Variants in IQCM observed in about 807,000 individuals in gnomAD.
IQCM encodes IQ motif containing M.
IQCM carries 45 observed loss-of-function variants against 57.6 expected under a neutral mutation model. The observed-to-expected ratio is 0.78, with a 90% CI of 0.62 to 1.00. The LOEUF is 1.00. Ranked by LOEUF, IQCM falls within the 50% of genes least tolerant of loss-of-function variation. The pLI is 0.00. For missense variants in IQCM, 468 were observed against 511.6 expected (o/e 0.91, Z 0.82); for synonymous variants, 148 against 158.9 (o/e 0.93, Z 0.51).
chr4:149,675,118 A>G (rs1368339788), intron 7 of IQCM, among the ~76,000 whole-genome samples: 1 of 152,066 alleles, frequency 6.6e-6, no homozygotes, highest in African/African-American at 2.4e-5. Flanking sequence ...GGAGTAGAAA[A>G]GTGAATGGAT....
intron 13 of IQCM, among the ~76,000 whole-genome samples, chr4:149,364,753 G>A (rs1399631107): frequency 6.6e-6 from 1 of 152,050 alleles, no homozygotes; most frequent in East Asian, 1.9e-4. Context: ...AATAAAAGAA[G>A]TCAGTCTGAT....
chr4:149,424,378 T>C (rs1174321299), intron 13 of IQCM, among the ~76,000 whole-genome samples: 1 of 151,408 alleles, frequency 6.6e-6, no homozygotes, highest in African/African-American at 2.4e-5. Context: ...AATATAAAAA[T>C]AAATAAAGCT....
chr4:149,712,059 TG>T (rs1239140835), intron 5 of IQCM, among the ~76,000 whole-genome samples: 3 of 152,184 alleles, frequency 2.0e-5, no homozygotes, highest in African/African-American at 7.2e-5. Flanking sequence ...CTTGTTCCCC[TG>T]GTTCTTAGGC....
intron 12 of IQCM, among the ~76,000 whole-genome samples, chr4:149,487,776 A>G (rs1229776602): frequency 1.3e-5 from 2 of 152,102 alleles, no homozygotes; most frequent in African/African-American, 4.8e-5. Context: ...AATGCACAGG[A>G]TTATCTCTTC....
At chr4:149,526,522 G>T (rs1746178965) in intron 12 of IQCM, among the ~76,000 whole-genome samples, 1 of 151,886 alleles carries the variant, frequency 6.6e-6, no homozygotes, top group South Asian at 2.1e-4. Flanking sequence ...TGTAAAAAAT[G>T]GCTCCTCAAA....
At chr4:149,520,454 A>G (rs1745514457) in intron 12 of IQCM, among the ~76,000 whole-genome samples, 1 of 152,146 alleles carries the variant, frequency 6.6e-6, no homozygotes, top group Non-Finnish European at 1.5e-5. Flanking sequence ...GTGATGATGA[A>G]TTACATCATT....
At chr4:149,481,708 T>TTTTTTTTTTTTTG (rs1740878368) in intron 12 of IQCM, among the ~76,000 whole-genome samples, 2 of 134,710 alleles carry the variant, frequency 1.5e-5, no homozygotes, top group African/African-American at 5.4e-5. Flanking sequence ...TTTGTTTTTT[T>TTTTTTTTTTTTTG]TTTTTTTTTT....
At chr4:149,648,414 A>T (rs1292910074) in intron 7 of IQCM, among the ~76,000 whole-genome samples, 3 of 152,164 alleles carry the variant, frequency 2.0e-5, no homozygotes, top group Non-Finnish European at 4.4e-5. Flanking sequence ...CATGGTGTAT[A>T]TGTGCCACAT....
chr4:149,697,810 T>A (rs1481534651), intron 5 of IQCM, among the ~76,000 whole-genome samples: 6 of 152,092 alleles, frequency 3.9e-5, no homozygotes, highest in Non-Finnish European at 8.8e-5. Flanking sequence ...CACAACTATA[T>A]CATCAATGTC....
At chr4:149,806,689 G>C (rs2150059435) in intron 2 of IQCM, among the ~76,000 whole-genome samples, 1 of 152,016 alleles carries the variant, frequency 6.6e-6, no homozygotes, top group Admixed American at 6.6e-5. Flanking sequence ...AAAGTCATCA[G>C]TAAATAAAGG....
intron 12 of IQCM, among the ~76,000 whole-genome samples, chr4:149,522,858 A>C (rs2149834542): frequency 6.6e-6 from 1 of 152,302 alleles, no homozygotes; most frequent in East Asian, 1.9e-4. Context: ...AAAATACACA[A>C]AATAGGTATA....
intron 7 of IQCM, among the ~76,000 whole-genome samples, chr4:149,647,965 T>C (rs1486382587): frequency 1.3e-5 from 2 of 152,200 alleles, no homozygotes; most frequent in Non-Finnish European, 2.9e-5. Context: ...TGTTGCATTC[T>C]GGATAATTCA....
At chr4:149,506,167 G>A (rs72955458) in intron 12 of IQCM, among the ~76,000 whole-genome samples, 3 of 152,290 alleles carry the variant, frequency 2.0e-5, no homozygotes, top group East Asian at 3.9e-4. Context: ...AGTGGAGAAC[G>A]AGGAAGATGG....
chr4:149,693,118 A>G (rs142975932), intron 5 of IQCM, among the ~76,000 whole-genome samples: 28 of 152,314 alleles, frequency 1.8e-4, no homozygotes, highest in Admixed American at 3.9e-4. Flanking sequence ...CCTGAGCTCA[A>G]TCATTTGTTC....
chr4:149,683,446 A>G (rs1352479951), intron 6 of IQCM, among the ~76,000 whole-genome samples: 1 of 151,266 alleles, frequency 6.6e-6, no homozygotes, highest in Non-Finnish European at 1.5e-5. Context: ...CACTCAATAG[A>G]TAGTAAAGAA....
intron 12 of IQCM, among the ~76,000 whole-genome samples, chr4:149,470,781 G>A (rs1008953421): frequency 6.6e-6 from 1 of 152,140 alleles, no homozygotes; most frequent in African/African-American, 2.4e-5. Flanking sequence ...TCAGACCACA[G>A]TGCAATCAAA....
At chr4:149,431,521 C>T (rs1734861489) in intron 13 of IQCM, among the ~76,000 whole-genome samples, 1 of 151,698 alleles carries the variant, frequency 6.6e-6, no homozygotes, top group South Asian at 2.1e-4. Flanking sequence ...AAGTTCATTC[C>T]TTTTGGTGTA....
chr4:149,563,594 A>AG (rs1308994339), intron 10 of IQCM, 98 bp downstream of exon 10: 1 of 876,038 alleles, frequency 1.1e-6, no homozygotes, highest in East Asian at 3.3e-5. Context: ...CTCCAAAAAA[A>AG]AAAGTATGTA....
chr4:149,684,549 T>A (rs1451702314), intron 6 of IQCM, among the ~76,000 whole-genome samples: 1 of 151,386 alleles, frequency 6.6e-6, no homozygotes, highest in African/African-American at 2.4e-5. Flanking sequence ...TACTAATTAG[T>A]CCTAGAGCCT....
Sources: allele counts gnomAD v4.1 joint callset (sites outside exome capture counted in the v4.1 genomes callset), GRCh38; gene constraint gnomAD v4.1.1; transcripts MANE v1.5; gene names NCBI Gene and HGNC (gene_info 2026-07-23, HGNC 2026-07-21).